Variants in AATF observed in about 807,000 individuals in gnomAD.
AATF encodes the protein protein AATF.
AATF carries 48 observed loss-of-function variants against 63.7 expected under a neutral mutation model. The ratio of observed to expected loss-of-function variants is 0.75; its 90% CI spans 0.60 to 0.96. The LOEUF (loss-of-function observed/expected upper bound fraction) is 0.96. Ranked by LOEUF, AATF falls within the 40% of genes least tolerant of loss-of-function variation. AATF has a pLI of 0.00. For missense variants in AATF, 639 were observed against 685.7 expected (o/e 0.93, Z 0.76); for synonymous variants, 258 against 247.7 (o/e 1.04, Z -0.39).
intron 4 of AATF, among the ~76,000 whole-genome samples, chr17:36,959,676 A>T (rs1348852769): frequency 1.3e-5 from 2 of 152,210 alleles, no homozygotes; most frequent in Non-Finnish European, 2.9e-5. Flanking sequence ...AGTGCAATGC[A>T]TGTTATTAAT....
chr17:37,050,033 T>A (rs1300190438), intron 11 of AATF, among the ~76,000 whole-genome samples: 1 of 152,108 alleles, frequency 6.6e-6, no homozygotes, highest in Non-Finnish European at 1.5e-5. Flanking sequence ...GCAGACTCGG[T>A]CACAGGAGGA....
At chr17:37,003,955 A>T (rs77260762) in intron 8 of AATF, among the ~76,000 whole-genome samples, 1 of 152,060 alleles carries the variant, frequency 6.6e-6, no homozygotes, top group Non-Finnish European at 1.5e-5. Context: ...AATACAAAAA[A>T]TTAGCAGGGC....
intron 8 of AATF, among the ~76,000 whole-genome samples, chr17:37,012,474 A>G (rs900098647): frequency 1.3e-5 from 2 of 152,254 alleles, no homozygotes; most frequent in Non-Finnish European, 2.9e-5. Flanking sequence ...GGGAATTCAC[A>G]GGAAGAGTAA....
In AATF at chr17:36,986,777, A is replaced by G. The variant is rs375357817; in HGVS notation, c.947+46A>G. 62 of 1,466,694 alleles carry G rather than the reference A, an allele frequency of 4.2e-5. No individual in the cohort carries two copies. The African/African-American group carries it at 5.0e-4, about 12-fold the overall frequency. The allele number at this position is 1,466,694 out of a possible 1,614,324, so 90.9% of individuals were successfully genotyped here. On this transcript the variant is annotated intron_variant, in intron 5 of 11. Transcript: ENST00000619387. ...AGTTGCTTATTTTCTTTTCATTTGG[A>G]TAGTTTCCCATCATTTATGAAAGAA... is the stretch of plus-strand genomic sequence containing the variant.
rs145284765 is a variant in AATF, at chr17:36,951,798, T to C, written c.284-1088T>C. ...CACTTAGTTTTTGTATTTATATTTT[T>C]GGCAGCTTTGTGTCTTAAGTTTATA... On this transcript the variant is annotated intron_variant, in intron 2 of 11. Coordinates refer to ENST00000619387, the MANE Select transcript of AATF (RefSeq NM_012138.4). Among the ~76,000 whole-genome samples, 3 of 152,376 alleles carry C rather than the reference T, an allele frequency of 2.0e-5. No individual in the cohort carries two copies. The East Asian group carries it at 5.8e-4, about 29-fold the overall frequency.
intron 8 of AATF, among the ~76,000 whole-genome samples, chr17:37,001,455 GAAA>G (rs200318079): frequency 4.1e-5 from 3 of 72,950 alleles, no homozygotes; most frequent in East Asian, 7.9e-4. Flanking sequence ...AAGGAAGGAA[GAAA>G]AAAAAAAAAA....
intron 10 of AATF, among the ~76,000 whole-genome samples, chr17:37,021,498 G>A (rs886356340): frequency 6.6e-5 from 10 of 151,964 alleles, no homozygotes; most frequent in South Asian, 2.1e-4. Flanking sequence ...GTGTGGTGGC[G>A]GGTGCCTATA....
intron 8 of AATF, among the ~76,000 whole-genome samples, chr17:37,001,580 G>A (rs1326945235): frequency 6.6e-6 from 1 of 152,108 alleles, no homozygotes; most frequent in African/African-American, 2.4e-5. Flanking sequence ...AATAGAATAT[G>A]GAAAGAAACC....
At chr17:36,954,324 C>T (rs2070882426) in intron 4 of AATF, among the ~76,000 whole-genome samples, 1 of 152,108 alleles carries the variant, frequency 6.6e-6, no homozygotes, top group African/African-American at 2.4e-5. Context: ...TCAAGCAATC[C>T]TCCCACCTTT....
chr17:37,032,069 G>T (rs571716750), intron 11 of AATF, among the ~76,000 whole-genome samples: 53 of 152,228 alleles, frequency 3.5e-4, no homozygotes, highest in African/African-American at 1.2e-3. Flanking sequence ...TGTTGTATTT[G>T]TTGGGGATTG....
chr17:37,009,344 C>T (rs2071366724), intron 8 of AATF, among the ~76,000 whole-genome samples: 1 of 149,684 alleles, frequency 6.7e-6, no homozygotes, highest in Non-Finnish European at 1.5e-5. Context: ...GGGGTTTCAC[C>T]ATGTTGGCCA....
At chr17:36,995,672 A>G (rs1015424451) in intron 8 of AATF, among the ~76,000 whole-genome samples, 21 of 151,590 alleles carry the variant, frequency 1.4e-4, no homozygotes, top group Admixed American at 1.3e-3. Flanking sequence ...GGCTCAAGCA[A>G]TCCTCCCACC....
intron 4 of AATF, among the ~76,000 whole-genome samples, chr17:36,955,279 T>G (rs1315744725): frequency 2.0e-5 from 3 of 152,176 alleles, no homozygotes; most frequent in Non-Finnish European, 4.4e-5. Flanking sequence ...AGTGAACGTT[T>G]CTTGTAGGTG....
intron 11 of AATF, chr17:37,033,716 A>T (rs1210056317): frequency 1.9e-5 from 3 of 154,724 alleles, no homozygotes; most frequent in Non-Finnish European, 2.9e-5. Context: ...GTGGTAGGCA[A>T]TTGTTGTCCA....
At chr17:36,976,210 G>C (rs1455537311) in intron 4 of AATF, among the ~76,000 whole-genome samples, 2 of 152,152 alleles carry the variant, frequency 1.3e-5, no homozygotes, top group African/African-American at 4.8e-5. Flanking sequence ...TAACCCTCAA[G>C]GGTACATTGA....
intron 8 of AATF, among the ~76,000 whole-genome samples, chr17:36,995,707 A>T (rs1405937606): frequency 6.6e-6 from 1 of 151,918 alleles, no homozygotes; most frequent in Non-Finnish European, 1.5e-5. Context: ...AGCTGGGACT[A>T]TAGACAGGTA....
chr17:37,014,889 A>AT (rs1230166883), intron 8 of AATF, among the ~76,000 whole-genome samples: 2 of 151,940 alleles, frequency 1.3e-5, no homozygotes, highest in African/African-American at 2.4e-5. Context: ...CTTCTGTTGG[A>AT]TTTTTTAAAA....
At chr17:36,959,503 T>C (rs1268605147) in intron 4 of AATF, among the ~76,000 whole-genome samples, 1 of 152,216 alleles carries the variant, frequency 6.6e-6, no homozygotes, top group East Asian at 1.9e-4. Flanking sequence ...GGGAAAATTG[T>C]AAGTAAATGT....
chr17:36,999,474 C>T (rs1265481148), intron 8 of AATF, among the ~76,000 whole-genome samples: 1 of 152,140 alleles, frequency 6.6e-6, no homozygotes, highest in Admixed American at 6.6e-5. Flanking sequence ...TGCTAAGTAA[C>T]CACATGTGCT....
Sources: allele counts gnomAD v4.1 joint callset (sites outside exome capture counted in the v4.1 genomes callset), GRCh38; gene constraint gnomAD v4.1.1; transcripts MANE v1.5; gene names NCBI Gene and HGNC (gene_info 2026-07-23, HGNC 2026-07-21).